Variants in HSD17B2 observed in about 807,000 individuals in gnomAD.
HSD17B2 encodes the protein hydroxysteroid 17-beta dehydrogenase 2.
HSD17B2 carries 32 observed loss-of-function variants against 26.9 expected under a neutral mutation model. The observed-to-expected ratio is 1.19, with a 90% confidence interval of 0.90 to 1.60. HSD17B2 has a LOEUF of 1.60. HSD17B2 is among the 40% of genes most tolerant of loss of function. The pLI, the probability that HSD17B2 is intolerant of heterozygous loss-of-function variation, is 0.00. For synonymous variants in HSD17B2, 246 were observed against 186.7 expected, an observed-to-expected ratio of 1.32 and a Z score of -2.59; for missense variants, 613 against 468.6, an observed-to-expected ratio of 1.31 and a Z score of -2.85.
chr16:82,097,350 T>TACACAGAC (rs1904878541), intron 4 of HSD17B2: 1 of 101,808 alleles, frequency 9.8e-6, no homozygotes, highest in East Asian at 2.3e-4. Flanking sequence ...TATATATGTG[T>TACACAGAC]ACACACACAC....
intron 3 of HSD17B2, among the ~76,000 whole-genome samples, chr16:82,083,294 C>A (rs1430974829): frequency 2.0e-5 from 3 of 152,018 alleles, no homozygotes; most frequent in African/African-American, 4.8e-5. Flanking sequence ...TCTTCCATCC[C>A]TAAAGAAAGG....
At chr16:82,097,909 G>A (rs943412832) in intron 4 of HSD17B2, 166 bp from the exon 5 acceptor site, 1 of 574,826 alleles carries the variant, frequency 1.7e-6, no homozygotes, top group African/African-American at 1.9e-5. Context: ...CTGCACTTAA[G>A]CCTGAGAGAC....
intron 2 of HSD17B2, among the ~76,000 whole-genome samples, chr16:82,069,748 G>A (rs762639627): frequency 6.6e-6 from 1 of 152,168 alleles, no homozygotes; most frequent in African/African-American, 2.4e-5. Context: ...GATGGGCTAT[G>A]TAACTAACTT....
At chr16:82,061,713 G>C (rs750862778) in intron 1 of HSD17B2, among the ~76,000 whole-genome samples, 9 of 152,154 alleles carry the variant, frequency 5.9e-5, no homozygotes, top group Non-Finnish European at 1.0e-4. Flanking sequence ...AAAAGAACAT[G>C]AACATTATGA....
chr16:82,066,348 A>C (rs1388757515), intron 1 of HSD17B2, among the ~76,000 whole-genome samples: 2 of 152,166 alleles, frequency 1.3e-5, no homozygotes, highest in Non-Finnish European at 2.9e-5. Flanking sequence ...TTCATCTCAT[A>C]ATGGTGGTGT....
chr16:82,037,105 G>A (rs906369325), intron 1 of HSD17B2, among the ~76,000 whole-genome samples: 3 of 152,200 alleles, frequency 2.0e-5, no homozygotes, highest in Non-Finnish European at 4.4e-5. Flanking sequence ...GAAAGGTGCC[G>A]TGCATTTAGT....
intron 1 of HSD17B2, among the ~76,000 whole-genome samples, chr16:82,063,856 C>T (rs369287056): frequency 1.3e-5 from 2 of 152,070 alleles, no homozygotes; most frequent in Admixed American, 1.3e-4. Flanking sequence ...GTTAGGTTAA[C>T]GAACACTTTG....
intron 1 of HSD17B2, among the ~76,000 whole-genome samples, chr16:82,057,630 G>C (rs935404300): frequency 2.0e-5 from 3 of 152,190 alleles, no homozygotes; most frequent in Non-Finnish European, 4.4e-5. Flanking sequence ...ACATCTTCCA[G>C]GTCAACATCA....
At chr16:82,090,417 C>T (rs1904656344) in intron 3 of HSD17B2, among the ~76,000 whole-genome samples, 1 of 140,458 alleles carries the variant, frequency 7.1e-6, no homozygotes, top group African/African-American at 2.6e-5. Context: ...CCCTGGGGTC[C>T]AAGCGATTCT....
chr16:82,085,599 T>G (rs723013), intron 3 of HSD17B2, among the ~76,000 whole-genome samples: 48,616 of 151,808 alleles, frequency 0.32, 8,126 homozygotes, highest in South Asian at 0.39. Flanking sequence ...CCTAACTCTG[T>G]TCTGTTTAAA....
intron 1 of HSD17B2, among the ~76,000 whole-genome samples, chr16:82,047,897 G>A (rs531321967): frequency 6.6e-6 from 1 of 152,318 alleles, no homozygotes; most frequent in Non-Finnish European, 1.5e-5. Context: ...ATAGACAAAG[G>A]AATGTAGAGA....
chr16:82,052,948 G>C (rs990698810), intron 1 of HSD17B2, among the ~76,000 whole-genome samples: 3 of 152,120 alleles, frequency 2.0e-5, no homozygotes, highest in Non-Finnish European at 2.9e-5. Flanking sequence ...ATAGCAAGAG[G>C]GCAAGAGCAT....
intron 1 of HSD17B2, among the ~76,000 whole-genome samples, chr16:82,038,330 T>G (rs1397532176): frequency 1.3e-5 from 2 of 152,196 alleles, no homozygotes; most frequent in Non-Finnish European, 2.9e-5. Context: ...AATGTATGTG[T>G]GATGCATTTT....
chr16:82,038,522 G>C (rs938927162), intron 1 of HSD17B2, among the ~76,000 whole-genome samples: 1 of 152,050 alleles, frequency 6.6e-6, no homozygotes, highest in African/African-American at 2.4e-5. Flanking sequence ...GCTAATTTTT[G>C]TATTTTTAGT....
chr16:82,053,901 G>T (rs1478877270), intron 1 of HSD17B2, among the ~76,000 whole-genome samples: 2 of 152,174 alleles, frequency 1.3e-5, no homozygotes, highest in African/African-American at 2.4e-5. Context: ...ATAGATAGAA[G>T]TTCATTATCA....
At chr16:82,068,444 G>A (rs943443331) in intron 2 of HSD17B2, 62 bp downstream of exon 2, 1 of 1,405,202 alleles carries the variant, frequency 7.1e-7, no homozygotes. Flanking sequence ...TCTTGTTCCG[G>A]CTTAGGCTGA....
chr16:82,044,835 T>C (rs1434968578), intron 1 of HSD17B2, among the ~76,000 whole-genome samples: 1 of 152,076 alleles, frequency 6.6e-6, no homozygotes, highest in African/African-American at 2.4e-5. Context: ...CCAACACTTC[T>C]GACTGGGCAT....
intron 1 of HSD17B2, among the ~76,000 whole-genome samples, chr16:82,040,157 C>T (rs1166314786): frequency 6.6e-6 from 1 of 152,178 alleles, no homozygotes; most frequent in African/African-American, 2.4e-5. Flanking sequence ...GATCTGTTTT[C>T]AGTGAAAATA....
intron 2 of HSD17B2, among the ~76,000 whole-genome samples, chr16:82,070,109 GCTTCAA>G (rs1463928434): frequency 6.6e-6 from 1 of 152,064 alleles, no homozygotes; most frequent in Non-Finnish European, 1.5e-5. Flanking sequence ...TACTCCAGAG[GCTTCAA>G]CTTCAACATG....
Sources: gnomAD v4.1 joint callset for allele counts (sites outside exome capture counted in the v4.1 genomes callset) on GRCh38, gnomAD v4.1.1 for gene constraint, MANE v1.5 for transcripts, NCBI Gene and HGNC (gene_info 2026-07-23, HGNC 2026-07-21) for gene names.